The following MYO1B variants were observed in gnomAD, a reference collection of about 807,000 sequenced individuals.
The protein encoded by MYO1B is myosin IB.
In MYO1B, 72 loss-of-function variants were observed where a neutral mutation model predicts 159.7. The observed-to-expected ratio is 0.45, with a 90% confidence interval of 0.37 to 0.55. The LOEUF is 0.55. Among genes scored for constraint, MYO1B ranks in the 20% least tolerant of loss-of-function variants. The probability of loss-of-function intolerance (pLI) is 0.00; values close to 1 mark genes in which losing one functional copy is unlikely to be tolerated. For missense variants in MYO1B, 1,062 were observed against 1,364.8 expected (o/e 0.78, Z 3.50); for synonymous variants, 468 against 473.8 (o/e 0.99, Z 0.16).
chr2:191,400,033 G>T (rs1205258314), intron 21 of MYO1B, among the ~76,000 whole-genome samples: 2 of 152,214 alleles, frequency 1.3e-5, no homozygotes, highest in Admixed American at 6.5e-5. Flanking sequence ...TAATGAAAGA[G>T]ATACAGTGGC....
chr2:191,419,735 G>A (rs1303103655), intron 30 of MYO1B, among the ~76,000 whole-genome samples: 1 of 151,940 alleles, frequency 6.6e-6, no homozygotes, highest in Non-Finnish European at 1.5e-5. Flanking sequence ...ACCCTGTGTA[G>A]GCCTAGGCTA....
At chr2:191,365,587 C>T (rs114095939) in intron 11 of MYO1B, among the ~76,000 whole-genome samples, 7 of 152,192 alleles carry the variant, frequency 4.6e-5, no homozygotes, top group African/African-American at 1.4e-4. Context: ...CAGTCAGATA[C>T]GAAGTAACTT....
intron 30 of MYO1B, among the ~76,000 whole-genome samples, chr2:191,420,124 C>G (rs1697844666): frequency 6.6e-6 from 1 of 152,162 alleles, no homozygotes; most frequent in African/African-American, 2.4e-5. Context: ...ATCATCTGAG[C>G]CCGGGAAGGT....
intron 2 of MYO1B, among the ~76,000 whole-genome samples, chr2:191,290,466 C>T (rs1379557958): frequency 1.3e-5 from 2 of 152,156 alleles, no homozygotes; most frequent in Non-Finnish European, 2.9e-5. Context: ...ATTAATTGCT[C>T]ATGAAAATCA....
intron 2 of MYO1B, among the ~76,000 whole-genome samples, chr2:191,288,984 G>T (rs139764627): frequency 6.6e-6 from 1 of 152,304 alleles, no homozygotes; most frequent in African/African-American, 2.4e-5. Flanking sequence ...TTCGTATTAA[G>T]ATATTTAAAT....
chr2:191,336,192 A>C (rs1691826426), intron 4 of MYO1B, among the ~76,000 whole-genome samples: 1 of 152,208 alleles, frequency 6.6e-6, no homozygotes, highest in Non-Finnish European at 1.5e-5. Flanking sequence ...TTACAGTTAC[A>C]TCAGTTTCTA....
At chr2:191,319,409 T>C (rs1690558646) in intron 3 of MYO1B, among the ~76,000 whole-genome samples, 1 of 152,178 alleles carries the variant, frequency 6.6e-6, no homozygotes, top group African/African-American at 2.4e-5. Context: ...CTGACGGGGC[T>C]TCTCTCTCCA....
intron 26 of MYO1B, among the ~76,000 whole-genome samples, chr2:191,410,738 T>C (rs1051986605): frequency 1.2e-4 from 18 of 152,158 alleles, no homozygotes; most frequent in African/African-American, 3.9e-4. Context: ...ACTGTGAGTC[T>C]CTCTAGAAGA....
chr2:191,418,097 G>A (rs1697688675), intron 30 of MYO1B, among the ~76,000 whole-genome samples: 1 of 152,194 alleles, frequency 6.6e-6, no homozygotes, highest in African/African-American at 2.4e-5. Flanking sequence ...CCTAATTATT[G>A]ATTGGTCTCA....
intron 2 of MYO1B, among the ~76,000 whole-genome samples, chr2:191,277,709 T>C (rs181364975): frequency 6.7e-4 from 102 of 152,306 alleles, no homozygotes; most frequent in African/African-American, 2.3e-3. Flanking sequence ...GCATAAAGCA[T>C]CTGCAGAAGT....
chr2:191,265,115 A>C (rs753037557), intron 1 of MYO1B, among the ~76,000 whole-genome samples: 1 of 152,118 alleles, frequency 6.6e-6, no homozygotes, highest in African/African-American at 2.4e-5. Flanking sequence ...CCTACAAACA[A>C]GAATAGTGCA....
intron 3 of MYO1B, among the ~76,000 whole-genome samples, chr2:191,310,723 TA>T (rs1689952296): frequency 6.6e-6 from 1 of 152,160 alleles, no homozygotes; most frequent in Non-Finnish European, 1.5e-5. Context: ...TCCAAAGTAA[TA>T]GGAGGAGAGT....
chr2:191,336,820 G>A (rs1258247178), intron 4 of MYO1B, among the ~76,000 whole-genome samples: 5 of 152,106 alleles, frequency 3.3e-5, no homozygotes. Flanking sequence ...CTAGGGCTCT[G>A]AACCACCAGA....
At chr2:191,390,535 T>G (rs769883864) in intron 18 of MYO1B, 43 bp downstream of exon 18, 52 of 1,572,462 alleles carry the variant, frequency 3.3e-5, no homozygotes, top group Middle Eastern at 3.4e-4. Flanking sequence ...ATGTTTTAAG[T>G]GGTCAAATAA....
At chr2:191,363,171 G>A (rs991365204) in intron 9 of MYO1B, among the ~76,000 whole-genome samples, 23 of 152,278 alleles carry the variant, frequency 1.5e-4, no homozygotes, top group African/African-American at 5.5e-4. Flanking sequence ...TCATATGGAA[G>A]CAATAGTCTG....
chr2:191,373,635 C>T (rs1407211215), intron 13 of MYO1B, among the ~76,000 whole-genome samples: 2 of 152,112 alleles, frequency 1.3e-5, no homozygotes, highest in Non-Finnish European at 2.9e-5. Flanking sequence ...ATTAGCTGGG[C>T]GTGGTAGCTT....
chr2:191,326,049 G>T (rs1559170378), intron 3 of MYO1B, among the ~76,000 whole-genome samples: 2 of 152,158 alleles, frequency 1.3e-5, no homozygotes, highest in African/African-American at 2.4e-5. Context: ...ATAAAACCAT[G>T]CCCTTAATGT....
In MYO1B at chr2:191,423,840, C is replaced by T. The variant is rs145949595; in HGVS notation, c.3291C>T (p.Phe1097=). Residue 1097 remains phenylalanine, a synonymous_variant, in exon 31 of 31, where the codon TTC becomes TTT. Transcript: ENST00000392318. ...QKLNIEISDE[F]LVQFRQDKVC... Reference sequence around the variant, plus strand: ...TTGTTTTATTCTTTTCTCCTAGGTTCCTGGTACAGTTCAGACAGGACAAAG... The same window carrying T: ...TTGTTTTATTCTTTTCTCCTAGGTTTCTGGTACAGTTCAGACAGGACAAAG... 2.0e-5 allele frequency: 32 copies of T among 1,611,012 alleles called. No individual in the cohort carries two copies. The highest frequency in any genetic ancestry group is 4.0e-5 in the African/African-American group (3 of 74,710).
chr2:191,263,765 G>T (rs966037104), intron 1 of MYO1B: 3 of 152,172 alleles, frequency 2.0e-5, no homozygotes, highest in African/African-American at 7.2e-5. Flanking sequence ...AAAAAACTGT[G>T]TGTGGGGGTG....
Sources: allele counts gnomAD v4.1 joint callset (sites outside exome capture counted in the v4.1 genomes callset), GRCh38; gene constraint gnomAD v4.1.1; transcripts MANE v1.5; gene names NCBI Gene and HGNC (gene_info 2026-07-23, HGNC 2026-07-21).